The following TCERG1L variants were observed in gnomAD, a reference collection of about 807,000 sequenced individuals.
The protein encoded by TCERG1L is transcription elongation regulator 1 like.
In TCERG1L, 37 loss-of-function variants were observed where a neutral mutation model predicts 56.3. That is an observed-to-expected ratio of 0.66 (90% confidence interval 0.51 to 0.87). The LOEUF (loss-of-function observed/expected upper bound fraction) is 0.87, where lower values mean the gene tolerates loss of function less well. Ranked by LOEUF, TCERG1L falls within the 40% of genes least tolerant of loss-of-function variation. The pLI, the probability that TCERG1L is intolerant of heterozygous loss-of-function variation, is 0.00. For synonymous variants in TCERG1L, 324 were observed against 326.3 expected (o/e 0.99, Z 0.08); for missense variants, 799 against 774.2 (o/e 1.03, Z -0.38).
chr10:131,187,436 G>A (rs1845256386), intron 4 of TCERG1L, among the ~76,000 whole-genome samples: 1 of 152,148 alleles, frequency 6.6e-6, no homozygotes, highest in Admixed American at 6.5e-5. Flanking sequence ...TGGCCCAGCA[G>A]GGAGCATTCT....
At chr10:131,257,852 T>C (rs1846189606) in intron 4 of TCERG1L, among the ~76,000 whole-genome samples, 1 of 152,240 alleles carries the variant, frequency 6.6e-6, no homozygotes. Context: ...CTGACTTTTA[T>C]ATCAAAGTCC....
intron 8 of TCERG1L, among the ~76,000 whole-genome samples, chr10:131,127,593 C>A (rs1845576878): frequency 1.3e-5 from 2 of 152,190 alleles, no homozygotes; most frequent in Admixed American, 1.3e-4. Context: ...GCTGCCTCAA[C>A]AGACAGAGAT....
At chr10:131,163,000 G>C (rs980777669) in intron 6 of TCERG1L, 122 bp downstream of exon 6, 29 of 736,748 alleles carry the variant, frequency 3.9e-5, no homozygotes, top group Non-Finnish European at 5.9e-5. Flanking sequence ...GGAGTTGCAA[G>C]TTCATTGTTT....
At chr10:131,288,932 G>A (rs564057591) in intron 3 of TCERG1L, among the ~76,000 whole-genome samples, 2 of 152,306 alleles carry the variant, frequency 1.3e-5, no homozygotes, top group East Asian at 3.9e-4. Flanking sequence ...AGCTGAGAGG[G>A]AACATGTTTC....
intron 9 of TCERG1L, among the ~76,000 whole-genome samples, chr10:131,114,606 G>C (rs899679843): frequency 1.3e-5 from 2 of 152,024 alleles, no homozygotes; most frequent in African/African-American, 4.8e-5. Flanking sequence ...GGGTAAAAAG[G>C]CCCTGAAAAT....
chr10:131,262,196 G>A (rs1846243296), intron 3 of TCERG1L, among the ~76,000 whole-genome samples: 1 of 152,308 alleles, frequency 6.6e-6, no homozygotes, highest in Middle Eastern at 3.4e-3. Context: ...GGCCAGCTCT[G>A]AGTCTCAGCT....
At chr10:131,215,090 G>A (rs552560026) in intron 4 of TCERG1L, among the ~76,000 whole-genome samples, 2 of 152,192 alleles carry the variant, frequency 1.3e-5, no homozygotes, top group East Asian at 1.9e-4. Context: ...GTACTTCCTC[G>A]CTGTGACGCA....
chr10:131,175,963 A>G (rs1846143486), intron 4 of TCERG1L, among the ~76,000 whole-genome samples: 1 of 152,210 alleles, frequency 6.6e-6, no homozygotes, highest in Non-Finnish European at 1.5e-5. Flanking sequence ...TTCAAAGCTT[A>G]AATCCATTTC....
chr10:131,287,278 A>G (rs943280153), intron 3 of TCERG1L, among the ~76,000 whole-genome samples: 4 of 152,112 alleles, frequency 2.6e-5, no homozygotes, highest in African/African-American at 9.7e-5. Flanking sequence ...CTCCATACTT[A>G]TTTTCTTAAT....
At position 131,246,706 on chromosome 10, in the gene TCERG1L, C is replaced by T. The variant is rs116532022; in HGVS notation, c.856+13553G>A. Reference sequence around the variant, plus strand: ...ATGACTCAGGGATGCGGCAGAAGTCCGTAGCAAAGGAGCTTGGTCCAAAGA... The same window carrying T: ...ATGACTCAGGGATGCGGCAGAAGTCTGTAGCAAAGGAGCTTGGTCCAAAGA... On this transcript the variant is annotated intron_variant, in intron 4 of 11. Coordinates refer to ENST00000368642, the MANE Select transcript of TCERG1L (RefSeq NM_174937.4). Among the ~76,000 whole-genome samples, 920 of 152,160 alleles carry T rather than the reference C, an allele frequency of 6.0e-3. 5 individuals carry two copies. Among genetic ancestry groups the T allele is most frequent in the African/African-American group, 0.021 (882 of 41,528 alleles).
intron 8 of TCERG1L, among the ~76,000 whole-genome samples, chr10:131,133,737 G>A (rs986867888): frequency 1.3e-5 from 2 of 152,184 alleles, no homozygotes; most frequent in Admixed American, 1.3e-4. Context: ...AGGGGTTAAA[G>A]GGCAGGAGCC....
chr10:131,283,314 G>T (rs1348132818), intron 3 of TCERG1L, among the ~76,000 whole-genome samples: 3 of 152,224 alleles, frequency 2.0e-5, no homozygotes, highest in Non-Finnish European at 4.4e-5. Flanking sequence ...AGGAAGCTGA[G>T]CGCAGGATTT....
At chr10:131,219,800 T>A (rs1845711727) in intron 4 of TCERG1L, among the ~76,000 whole-genome samples, 1 of 152,186 alleles carries the variant, frequency 6.6e-6, no homozygotes, top group Non-Finnish European at 1.5e-5. Context: ...CTGTTTACAG[T>A]ACAACAGTGT....
intron 4 of TCERG1L, among the ~76,000 whole-genome samples, chr10:131,222,357 G>T (rs1845743056): frequency 6.6e-6 from 1 of 152,224 alleles, no homozygotes; most frequent in Non-Finnish European, 1.5e-5. Flanking sequence ...ACTACTCGTG[G>T]ATGAATTAGT....
At chr10:131,128,811 GAA>G (rs1346524693) in intron 8 of TCERG1L, among the ~76,000 whole-genome samples, 1 of 152,104 alleles carries the variant, frequency 6.6e-6, no homozygotes, top group Non-Finnish European at 1.5e-5. Flanking sequence ...CTTGCATCAC[GAA>G]AAGACAGACG....
intron 3 of TCERG1L, among the ~76,000 whole-genome samples, chr10:131,277,689 A>G (rs1046979041): frequency 3.9e-5 from 6 of 152,222 alleles, no homozygotes; most frequent in South Asian, 2.1e-4. Flanking sequence ...GACAGTGCCC[A>G]TGGCAGAAGG....
chr10:131,280,572 G>C (rs866194938), intron 3 of TCERG1L, among the ~76,000 whole-genome samples: 2 of 152,162 alleles, frequency 1.3e-5, no homozygotes, highest in African/African-American at 4.8e-5. Flanking sequence ...AATAGAATGG[G>C]ACGCAGGTTG....
At chr10:131,261,194 T>G (rs1469050819) in intron 3 of TCERG1L, among the ~76,000 whole-genome samples, 1 of 152,264 alleles carries the variant, frequency 6.6e-6, no homozygotes, top group Non-Finnish European at 1.5e-5. Context: ...CTTCTTCCTC[T>G]GCCTTTTCAG....
chr10:131,198,680 T>C (rs1400276249), intron 4 of TCERG1L, among the ~76,000 whole-genome samples: 1 of 152,242 alleles, frequency 6.6e-6, no homozygotes, highest in Non-Finnish European at 1.5e-5. Context: ...CCCAGGCTGA[T>C]GCTGCATGCT....
Sources: gnomAD v4.1 joint callset for allele counts (sites outside exome capture counted in the v4.1 genomes callset) on GRCh38, gnomAD v4.1.1 for gene constraint, MANE v1.5 for transcripts, NCBI Gene and HGNC (gene_info 2026-07-23, HGNC 2026-07-21) for gene names.